Variants in CYP2C18 observed in about 807,000 individuals in gnomAD.
The protein encoded by CYP2C18 is cytochrome P450 2C18.
In CYP2C18, 38 loss-of-function variants were observed where a neutral mutation model predicts 41.3. The observed-to-expected ratio is 0.92, with a 90% CI of 0.71 to 1.21. CYP2C18 has a LOEUF of 1.21. Among genes scored for constraint, CYP2C18 ranks in the 50% most tolerant of loss-of-function variants. The pLI is 0.00. For synonymous variants in CYP2C18, 236 were observed against 210.0 expected, an observed-to-expected ratio of 1.12 and a Z score of -1.07; for missense variants, 635 against 591.4, an observed-to-expected ratio of 1.07 and a Z score of -0.77.
intron 1 of CYP2C18, among the ~76,000 whole-genome samples, chr10:94,686,194 G>T (rs1846884480): frequency 6.6e-6 from 1 of 151,676 alleles, no homozygotes. Context: ...TAGATATTTT[G>T]TTGCTAGTGT....
At chr10:94,704,619 T>C (rs1847305362) in intron 4 of CYP2C18, among the ~76,000 whole-genome samples, 1 of 152,138 alleles carries the variant, frequency 6.6e-6, no homozygotes, top group Admixed American at 6.5e-5. Flanking sequence ...GCACTCCTTG[T>C]CATAGCCTTC....
chr10:94,688,083 G>A (rs771430378), intron 2 of CYP2C18, 42 bp from the exon 3 acceptor site: 1 of 1,612,618 alleles, frequency 6.2e-7, no homozygotes, highest in Admixed American at 1.7e-5. Flanking sequence ...TCTTGTCCTT[G>A]TTTGGATTCT....
chr10:94,684,016 T>C (rs765484054), intron 1 of CYP2C18, 29 bp downstream of exon 1: 8 of 1,510,182 alleles, frequency 5.3e-6, no homozygotes, highest in African/African-American at 2.8e-5. Flanking sequence ...CCTCCAGTAA[T>C]GTACAAGGTG....
chr10:94,724,404 G>A lies in CYP2C18; in HGVS notation c.1020G>A (p.Gln340=), dbSNP rs1472058944. 1 of 1,613,590 alleles carries A rather than the reference G, an allele frequency of 6.2e-7. No homozygotes were observed. Among genetic ancestry groups the A allele is most frequent in the South Asian group, 1.1e-5 (1 of 91,056 alleles). Residue 340 remains glutamine (Q), a synonymous_variant, in exon 7 of 9, where the codon CAG becomes CAA. Coordinates refer to ENST00000285979, the MANE Select transcript of CYP2C18 (RefSeq NM_000772.3). ...GCAGAAACCGGAGCCCCTGTATGCA[G>A]GACAGGAGTCACATGCCCTACACAG... ...VVGRNRSPCM[Q]DRSHMPYTDA... is the part of the protein sequence containing the mutation.
intron 7 of CYP2C18, among the ~76,000 whole-genome samples, chr10:94,731,905 G>A (rs928393203): frequency 2.0e-5 from 3 of 152,006 alleles, no homozygotes; most frequent in East Asian, 1.9e-4. Flanking sequence ...CATTGGCCTT[G>A]GGAAAGAATT....
At chr10:94,696,642 C>T (rs544610394) in intron 4 of CYP2C18, among the ~76,000 whole-genome samples, 20 of 152,134 alleles carry the variant, frequency 1.3e-4, no homozygotes, top group South Asian at 4.1e-4. Flanking sequence ...ATGACTTTGA[C>T]GAGTTGAGAG....
intron 4 of CYP2C18, among the ~76,000 whole-genome samples, chr10:94,703,988 T>C (rs926003825): frequency 2.0e-5 from 3 of 152,128 alleles, no homozygotes; most frequent in African/African-American, 7.2e-5. Context: ...GGGAGGGAGT[T>C]CCCCAACCCG....
intron 4 of CYP2C18, among the ~76,000 whole-genome samples, chr10:94,704,325 T>C (rs1053205932): frequency 5.6e-5 from 8 of 144,094 alleles, no homozygotes; most frequent in East Asian, 4.0e-4. Flanking sequence ...CCTGCTATAG[T>C]TTTTATTTTT....
In CYP2C18 at chr10:94,697,415, T is replaced by C. The variant is rs905868271; in HGVS notation, c.642+2338T>C. Reference sequence around the variant, plus strand: ...AGTGAAGGAGAAATAAAATCATTTATAGACAAGCAAATGCTGAGAGATTTT... The same window carrying C: ...AGTGAAGGAGAAATAAAATCATTTACAGACAAGCAAATGCTGAGAGATTTT... On this transcript the variant is annotated intron_variant, in intron 4 of 8. Coordinates refer to ENST00000285979, the MANE Select transcript of CYP2C18 (RefSeq NM_000772.3). 2.6e-5 allele frequency among the ~76,000 whole-genome samples: 4 copies of C among 152,224 alleles called. No individual in the cohort carries two copies. The East Asian group carries it at 7.7e-4, about 29-fold the overall frequency.
chr10:94,717,980 A>G lies in CYP2C18; in HGVS notation c.820-2416A>G, dbSNP rs185247410. On this transcript the variant is annotated intron_variant, in intron 5 of 8. Coordinates refer to ENST00000285979, the MANE Select transcript of CYP2C18 (RefSeq NM_000772.3). ...GAATTTTTTGGGGATGACTTTTCCTATTTCTAAGAGAGATAACATTGGAAT... is the reference window on the plus strand; with the variant it reads ...GAATTTTTTGGGGATGACTTTTCCTGTTTCTAAGAGAGATAACATTGGAAT... 3.4e-4 allele frequency among the ~76,000 whole-genome samples: 52 copies of G among 152,106 alleles called. No individual in the cohort carries two copies. The East Asian group carries it at 8.7e-3, about 25-fold the overall frequency.
At chr10:94,695,505 A>G (rs931263008) in intron 4 of CYP2C18, among the ~76,000 whole-genome samples, 1 of 152,090 alleles carries the variant, frequency 6.6e-6, no homozygotes, top group African/African-American at 2.4e-5. Context: ...AAAGGATTTT[A>G]TTTCCCCTTC....
chr10:94,719,720 G>T (rs777251996), intron 5 of CYP2C18, among the ~76,000 whole-genome samples: 1 of 151,736 alleles, frequency 6.6e-6, no homozygotes, highest in Admixed American at 6.6e-5. Flanking sequence ...GATTACAGGC[G>T]CATGCCATCA....
intron 5 of CYP2C18, among the ~76,000 whole-genome samples, chr10:94,710,720 G>T (rs1847420931): frequency 1.3e-5 from 2 of 152,118 alleles, no homozygotes. Context: ...TTAGAAAACT[G>T]TGTTAAGTTG....
At position 94,703,998 on chromosome 10, in the gene CYP2C18, G is replaced by C. The variant is rs1178286741; in HGVS notation, c.643-2786G>C. Among the ~76,000 whole-genome samples the C allele has an allele frequency of 3.3e-5, 5 of 152,180 alleles. No individual in the cohort carries two copies. The South Asian group carries it at 1.0e-3, about 32-fold the overall frequency. On this transcript the variant is annotated intron_variant, in intron 4 of 8. Transcript: ENST00000285979. ...GCTAGGGGAGGGAGTTCCCCAACCCGTTGTGCTTCCTGGGTGAGCCAATTC... is the reference window on the plus strand; with the variant it reads ...GCTAGGGGAGGGAGTTCCCCAACCCCTTGTGCTTCCTGGGTGAGCCAATTC...
At chr10:94,706,248 C>T (rs544891663) in intron 4 of CYP2C18, among the ~76,000 whole-genome samples, 2 of 152,256 alleles carry the variant, frequency 1.3e-5, no homozygotes, top group South Asian at 2.1e-4. Flanking sequence ...CAACTACTCA[C>T]GGAAGTATCT....
chr10:94,714,571 G>C (rs544100068), intron 5 of CYP2C18, among the ~76,000 whole-genome samples: 30 of 152,246 alleles, frequency 2.0e-4, no homozygotes, highest in Non-Finnish European at 4.3e-4. Flanking sequence ...TGCTGTTTTG[G>C]TTACTGTAGC....
chr10:94,701,328 A>G lies in CYP2C18; in HGVS notation c.643-5456A>G, dbSNP rs561031904. On this transcript the variant is annotated intron_variant, in intron 4 of 8. Transcript: ENST00000285979. ...GTTCATGTCCTTTGTAAGGACATGG[A>G]TGAAGCTGGAAACCATAATTCTCAG... Among the ~76,000 whole-genome samples, 11 of 152,354 alleles carry G rather than the reference A, an allele frequency of 7.2e-5. No individual in the cohort carries two copies. In the South Asian group the frequency reaches 2.3e-3, roughly 32 times the overall value.
At chr10:94,725,209 G>T (rs1847719307) in intron 7 of CYP2C18, among the ~76,000 whole-genome samples, 1 of 150,926 alleles carries the variant, frequency 6.6e-6, no homozygotes, top group South Asian at 2.1e-4. Flanking sequence ...TGAGTAGCTG[G>T]GATTAGAGAT....
rs772751596 is a variant in CYP2C18, at chr10:94,683,884, A to G, written c.65A>G (p.Gln22Arg). Reference sequence around the variant, plus strand: ...TTGTTTCTCCTTTCACTCTGGAGGCAGAGCTCTGGAAGAGGGAGGCTCCCG... The same window carrying G: ...TTGTTTCTCCTTTCACTCTGGAGGCGGAGCTCTGGAAGAGGGAGGCTCCCG... Reference protein sequence around the residue: ...SCLFLLSLWRQSSGRGRLPSG... With the variant: ...SCLFLLSLWRRSSGRGRLPSG... The change falls in exon 1 of 9, where the codon CAG becomes CGG. Residue 22 changes from glutamine to arginine, a missense_variant. Transcript: ENST00000285979. 6.2e-7 allele frequency: 1 copy of G among 1,611,766 alleles called. No individual in the cohort carries two copies. The highest frequency in any genetic ancestry group is 1.1e-5 in the South Asian group (1 of 90,448).
Sources: allele counts gnomAD v4.1 joint callset (sites outside exome capture counted in the v4.1 genomes callset), GRCh38; gene constraint gnomAD v4.1.1; transcripts MANE v1.5; gene names NCBI Gene and HGNC (gene_info 2026-07-23, HGNC 2026-07-21).